Variants in PIN4 observed in about 807,000 individuals in gnomAD.
PIN4 encodes peptidyl-prolyl cis-trans isomerase NIMA-interacting 4.
Under a neutral mutation model 8.3 loss-of-function variants are expected in PIN4, and 3 were observed. That is an observed-to-expected ratio of 0.36 (90% CI 0.16 to 0.93). The LOEUF (loss-of-function observed/expected upper bound fraction) is 0.93, where lower values mean the gene tolerates loss of function less well. Ranked by LOEUF, PIN4 falls within the 40% of genes least tolerant of loss-of-function variation. The probability of loss-of-function intolerance (pLI) is 0.44; values close to 1 mark genes in which losing one functional copy is unlikely to be tolerated. For synonymous variants in PIN4, 18 were observed against 32.5 expected (o/e 0.55, Z 1.52); for missense variants, 75 against 100.6 (o/e 0.75, Z 1.09).
intron 3 of PIN4, among the ~76,000 whole-genome samples, chrX:72,231,679 G>A (rs952171812): frequency 5.4e-5 from 6 of 110,265 alleles, no homozygotes; most frequent in African/African-American, 2.0e-4. Flanking sequence ...TCTGCCTCCC[G>A]AGTAGCTGGG....
chrX:72,237,783 A>C (rs2147608356), intron 3 of PIN4: 1 of 110,178 alleles, frequency 9.1e-6, no homozygotes, highest in East Asian at 2.9e-4. Flanking sequence ...AATATATATA[A>C]AACAACAATA....
chrX:72,193,236 T>C (rs1347077382), intron 2 of PIN4, among the ~76,000 whole-genome samples: 1 of 111,578 alleles, frequency 9.0e-6, no homozygotes, highest in Non-Finnish European at 1.9e-5. Flanking sequence ...GAATGCAGTG[T>C]ACATTTTCCC....
At chrX:72,185,707 A>G (rs2042699492) in intron 1 of PIN4, among the ~76,000 whole-genome samples, 1 of 112,772 alleles carries the variant, frequency 8.9e-6, no homozygotes, top group Admixed American at 9.4e-5. Flanking sequence ...ACATACTAGT[A>G]AAATGTAAGA....
chrX:72,259,529 C>T (rs1181749288), intron 3 of PIN4, among the ~76,000 whole-genome samples: 5 of 108,992 alleles, frequency 4.6e-5, no homozygotes, highest in African/African-American at 1.7e-4. Context: ...CCAGAGTTTA[C>T]TATTAATAGT....
intron 3 of PIN4, among the ~76,000 whole-genome samples, chrX:72,261,334 C>A (rs961169632): frequency 6.5e-5 from 7 of 107,947 alleles, no homozygotes; most frequent in African/African-American, 2.0e-4. Flanking sequence ...TGGGTGTCGA[C>A]CCCCCTGTCC....
At chrX:72,209,552 C>T (rs2042840534) in intron 3 of PIN4, among the ~76,000 whole-genome samples, 1 of 111,634 alleles carries the variant, frequency 9.0e-6, no homozygotes, top group Non-Finnish European at 1.9e-5. Context: ...TTATGCCCCA[C>T]CCCCAGGCCA....
At chrX:72,250,432 A>G (rs1279204252) in intron 3 of PIN4, among the ~76,000 whole-genome samples, 5 of 111,197 alleles carry the variant, frequency 4.5e-5, no homozygotes, top group Non-Finnish European at 9.4e-5. Context: ...CCCTATCTCA[A>G]AAAACAAAAA....
At chrX:72,222,068 C>T (rs2042926491) in intron 3 of PIN4, among the ~76,000 whole-genome samples, 1 of 110,009 alleles carries the variant, frequency 9.1e-6, no homozygotes, top group Non-Finnish European at 1.9e-5. Flanking sequence ...AAACCCCACT[C>T]CTCCTCCTTC....
chrX:72,225,415 C>G (rs945237573), intron 3 of PIN4, among the ~76,000 whole-genome samples: 9 of 111,724 alleles, frequency 8.1e-5, no homozygotes, highest in Non-Finnish European at 3.8e-5. Flanking sequence ...ATTCAACACA[C>G]CACCAGGCTT....
chrX:72,192,808 G>C (rs952085873), intron 2 of PIN4, among the ~76,000 whole-genome samples: 2 of 110,639 alleles, frequency 1.8e-5, no homozygotes, highest in Admixed American at 9.7e-5. Context: ...ATGTTGCCCA[G>C]ACTGGTCTCA....
At position 72,188,649 on chromosome X, in the gene PIN4, G is replaced by A. The variant is rs765231086; in HGVS notation, c.117+2115G>A. Among the ~76,000 whole-genome samples, 7 of 112,025 alleles carry A rather than the reference G, an allele frequency of 6.2e-5. No homozygotes were observed. In the East Asian group the frequency reaches 2.0e-3, roughly 32 times the overall value. The stretch of plus-strand genomic sequence containing the variant: ...GCTGGGATTACAGGCATGAGCCACC[G>A]TGCCTGGCGGCTTTAGCTAATTTTT... On this transcript the variant is annotated intron_variant, in intron 2 of 3. Transcript: ENST00000373669.
chrX:72,254,375 C>T (rs1366570199), intron 3 of PIN4, among the ~76,000 whole-genome samples: 1 of 111,590 alleles, frequency 9.0e-6, no homozygotes, highest in Non-Finnish European at 1.9e-5. Context: ...GTAGCTACCC[C>T]CACCACTCTA....
intron 3 of PIN4, among the ~76,000 whole-genome samples, chrX:72,217,181 G>A (rs12861442): frequency 0.026 from 2,937 of 111,668 alleles, 43 homozygotes; most frequent in Admixed American, 0.041. Context: ...AAGGGTATTT[G>A]CCCAGTTCAA....
At chrX:72,261,845 C>T (rs1266815777) in intron 3 of PIN4, among the ~76,000 whole-genome samples, 1 of 111,751 alleles carries the variant, frequency 8.9e-6, no homozygotes, top group African/African-American at 3.3e-5. Flanking sequence ...AGCCTCGCCT[C>T]TCACAACTTC....
At chrX:72,219,937 C>G (rs2042913239) in intron 3 of PIN4, among the ~76,000 whole-genome samples, 1 of 111,069 alleles carries the variant, frequency 9.0e-6, no homozygotes, top group South Asian at 3.8e-4. Context: ...TGCCTTGTTC[C>G]TGATATGAGC....
At chrX:72,219,086 T>C (rs2042904401) in intron 3 of PIN4, among the ~76,000 whole-genome samples, 1 of 110,901 alleles carries the variant, frequency 9.0e-6, no homozygotes, top group South Asian at 3.8e-4. Context: ...TGAAACCCCG[T>C]CCCTACTAAA....
At chrX:72,259,724 CTTTTTTTTTTTT>C (rs761255706) in intron 3 of PIN4, among the ~76,000 whole-genome samples, 2 of 69,063 alleles carry the variant, frequency 2.9e-5, no homozygotes, top group African/African-American at 6.0e-5. Flanking sequence ...AGGCCATATC[CTTTTTTTTTTTT>C]TTTTTTTTTT....
chrX:72,202,623 G>T (rs1301412767), downstream of PIN4, among the ~76,000 whole-genome samples: 1 of 111,808 alleles, frequency 8.9e-6, no homozygotes, highest in Admixed American at 9.6e-5. Flanking sequence ...CTCAGATGCA[G>T]ACTGTGAATT....
intron 3 of PIN4, chrX:72,206,170 T>C (rs745826258): frequency 5.0e-6 from 6 of 1,211,938 alleles, no homozygotes; most frequent in Non-Finnish European, 6.7e-6. Context: ...AAGTACATAA[T>C]TAAAACTTTC....
Sources: gnomAD v4.1 joint callset for allele counts (sites outside exome capture counted in the v4.1 genomes callset) on GRCh38, gnomAD v4.1.1 for gene constraint, MANE v1.5 for transcripts, NCBI Gene and HGNC (gene_info 2026-07-23, HGNC 2026-07-21) for gene names.